Variants in VIPR1 observed in about 807,000 individuals in gnomAD.
VIPR1 encodes the protein vasoactive intestinal polypeptide receptor 1.
A neutral mutation model predicts 58.8 loss-of-function variants in VIPR1; 59 were observed. The ratio of observed to expected loss-of-function variants is 1.00; its 90% CI spans 0.81 to 1.25. VIPR1 has a LOEUF of 1.25. VIPR1 is among the 50% of genes most tolerant of loss of function. The probability of loss-of-function intolerance (pLI) is 0.00; values close to 1 mark genes in which losing one functional copy is unlikely to be tolerated. For missense variants in VIPR1, 626 were observed against 602.7 expected, an observed-to-expected ratio of 1.04 and a Z score of -0.40; for synonymous variants, 251 against 242.1, an observed-to-expected ratio of 1.04 and a Z score of -0.34.
At chr3:42,496,924 CT>C (rs544141621) in intron 1 of VIPR1, among the ~76,000 whole-genome samples, 1 of 150,488 alleles carries the variant, frequency 6.6e-6, no homozygotes, top group Non-Finnish European at 1.5e-5. Flanking sequence ...TTTCATTTTT[CT>C]TTTTTCTGGT....
chr3:42,512,142 G>A (rs1396179), intron 1 of VIPR1: 4 of 152,272 alleles, frequency 2.6e-5, no homozygotes, highest in African/African-American at 9.6e-5. Flanking sequence ...ACAGCACTTA[G>A]GCAGGTGAGG....
intron 1 of VIPR1, among the ~76,000 whole-genome samples, chr3:42,496,166 G>A (rs1317244962): frequency 6.6e-6 from 1 of 152,100 alleles, no homozygotes; most frequent in East Asian, 1.9e-4. Context: ...GAACCCGGGA[G>A]GCGGAGGTTG....
Position 42,520,960 on chromosome 3 carries a change from T to C in VIPR1, c.292+1630T>C, listed in dbSNP as rs558064244. ...ACCTCCTCCAGGGACACCCAGTGCCTGGGCAGATAAGAGATGAGTTCCTCT... is the reference window on the plus strand; with the variant it reads ...ACCTCCTCCAGGGACACCCAGTGCCCGGGCAGATAAGAGATGAGTTCCTCT... On this transcript the variant is annotated intron_variant, in intron 3 of 12. Coordinates refer to ENST00000325123, the MANE Select transcript of VIPR1 (RefSeq NM_004624.4). 6.5e-4 allele frequency among the ~76,000 whole-genome samples: 99 copies of C among 152,276 alleles called. 1 individual carries two copies. The East Asian group carries it at 0.014, about 21-fold the overall frequency.
Position 42,531,464 on chromosome 3 carries a change from C to G in VIPR1, c.791-7C>G. On this transcript the variant is annotated splice_region_variant and splice_polypyrimidine_tract_variant and intron_variant, in intron 7 of 12. Transcript: ENST00000325123. ...CTCTGCTCTTTCACTCTCCCTGGGC[C>G]TGACAGGGGTACCCAGCACATTCAC... is the stretch of plus-strand genomic sequence containing the variant. 1 of 1,575,676 alleles carries G rather than the reference C, an allele frequency of 6.3e-7. No homozygotes were observed. Among genetic ancestry groups the G allele is most frequent in the African/African-American group, 1.3e-5 (1 of 74,264 alleles).
At chr3:42,510,138 G>T (rs1279869455) in intron 1 of VIPR1, among the ~76,000 whole-genome samples, 4 of 152,202 alleles carry the variant, frequency 2.6e-5, no homozygotes, top group Admixed American at 1.3e-4. Context: ...CCTTGCTGCA[G>T]CTACACCAGG....
intron 2 of VIPR1, among the ~76,000 whole-genome samples, chr3:42,515,874 G>A (rs1356473192): frequency 6.6e-6 from 1 of 152,196 alleles, no homozygotes; most frequent in Non-Finnish European, 1.5e-5. Flanking sequence ...GTGTCTCTGT[G>A]TGTTGGCTTG....
chr3:42,532,241 G>A lies in VIPR1; in HGVS notation c.919-1G>A. 4 of 1,614,122 alleles carry A rather than the reference G, an allele frequency of 2.5e-6. No individual in the cohort carries two copies. Among genetic ancestry groups the A allele is most frequent in the Non-Finnish European group, 3.4e-6 (4 of 1,180,012 alleles). On this transcript the variant is annotated splice_acceptor_variant, in intron 9 of 12. Transcript: ENST00000325123. LOFTEE classifies it high-confidence loss of function. The stretch of plus-strand genomic sequence containing the variant: ...CCCGAACTCGGGTCCCCACCCACTA[G>A]GTAAACTTCATCCTGTTTATTTGCA...
chr3:42,535,468 C>A (rs1448155589), intron 12 of VIPR1, 84 bp downstream of exon 12: 1 of 1,463,204 alleles, frequency 6.8e-7, no homozygotes, highest in African/African-American at 1.4e-5. Flanking sequence ...ATGTGCAGAG[C>A]AAGGACGGGT....
At chr3:42,518,597 G>A (rs1700749625) in intron 2 of VIPR1, among the ~76,000 whole-genome samples, 1 of 152,114 alleles carries the variant, frequency 6.6e-6, no homozygotes, top group African/African-American at 2.4e-5. Flanking sequence ...AAATTAGCCG[G>A]GCGTGGCGGC....
intron 5 of VIPR1, 46 bp from the exon 6 acceptor site, chr3:42,527,945 G>A (rs1317575790): frequency 1.3e-6 from 2 of 1,598,806 alleles, no homozygotes; most frequent in South Asian, 1.1e-5. Flanking sequence ...GCTGGGGTGG[G>A]GATCCAAGGC....
chr3:42,523,295 C>G (rs1381274018), intron 3 of VIPR1, among the ~76,000 whole-genome samples: 2 of 152,188 alleles, frequency 1.3e-5, no homozygotes, highest in South Asian at 2.1e-4. Context: ...GACCACAATC[C>G]CAGGGCTCTT....
chr3:42,519,443 G>A (rs1180540709), intron 3 of VIPR1, 113 bp downstream of exon 3: 8 of 845,606 alleles, frequency 9.5e-6, no homozygotes, highest in Admixed American at 7.2e-5. Flanking sequence ...GGAGCAATCC[G>A]AGGGACTCCC....
intron 1 of VIPR1, among the ~76,000 whole-genome samples, chr3:42,490,413 A>T (rs1699645093): frequency 6.6e-6 from 1 of 152,156 alleles, no homozygotes; most frequent in Non-Finnish European, 1.5e-5. Flanking sequence ...CTGGCAAGTG[A>T]CTCAGGCCTG....
chr3:42,510,200 A>G (rs1365396517), intron 1 of VIPR1, among the ~76,000 whole-genome samples: 1 of 152,184 alleles, frequency 6.6e-6, no homozygotes, highest in East Asian at 1.9e-4. Flanking sequence ...ATGCCTGTGC[A>G]CACGCTGCTC....
rs2125683616 is a variant in VIPR1 at position 42,536,745 on chromosome 3, C to A, written c.*464C>A. On this transcript the variant is annotated 3_prime_UTR_variant, in exon 13 of 13. Coordinates refer to ENST00000325123, the MANE Select transcript of VIPR1 (RefSeq NM_004624.4). ...GGTAGTGCCTGAAATTTCACCATTG[C>A]TGTCAAGTTCCTTTGGGTTAAGCAT... The A allele has an allele frequency of 6.3e-6, 1 of 157,558 alleles. No individual in the cohort carries two copies. Among genetic ancestry groups the A allele is most frequent in the East Asian group, 1.9e-4 (1 of 5,332 alleles). The allele number at this position is 157,558 out of a possible 1,614,324, so 9.8% of individuals were successfully genotyped here.
intron 1 of VIPR1, chr3:42,489,827 C>T (rs557113859): frequency 7.9e-5 from 12 of 152,472 alleles, no homozygotes; most frequent in African/African-American, 2.6e-4. Flanking sequence ...GTATGGCCCT[C>T]CGCTGGTGGC....
chr3:42,505,761 G>T (rs944013328), intron 1 of VIPR1, among the ~76,000 whole-genome samples: 5 of 152,248 alleles, frequency 3.3e-5, no homozygotes, highest in African/African-American at 1.2e-4. Flanking sequence ...CCATGGCAAT[G>T]GCTTGACCTT....
At chr3:42,513,973 G>A (rs765769190) in intron 2 of VIPR1, 119 bp downstream of exon 2, 28 of 1,151,128 alleles carry the variant, frequency 2.4e-5, no homozygotes, top group Middle Eastern at 2.1e-4. Flanking sequence ...GGTGAGGAGC[G>A]GCTGGGGAGC....
intron 1 of VIPR1, among the ~76,000 whole-genome samples, chr3:42,497,576 C>T (rs1181744220): frequency 6.6e-6 from 1 of 152,188 alleles, no homozygotes; most frequent in Admixed American, 6.5e-5. Flanking sequence ...AACACCATGA[C>T]CCCTGATACG....
Sources: gnomAD v4.1 joint callset for allele counts (sites outside exome capture counted in the v4.1 genomes callset) on GRCh38, gnomAD v4.1.1 for gene constraint, MANE v1.5 for transcripts, NCBI Gene and HGNC (gene_info 2026-07-23, HGNC 2026-07-21) for gene names.